SHC3: variants seen among roughly 807,000 people sequenced by gnomAD.
SHC3 encodes SHC adaptor protein 3.
Under a neutral mutation model 60.4 loss-of-function variants are expected in SHC3, and 15 were observed. The ratio of observed to expected loss-of-function variants is 0.25; its 90% CI spans 0.17 to 0.38. SHC3 has a LOEUF of 0.38. Among genes scored for constraint, SHC3 ranks in the 10% least tolerant of loss-of-function variants. The pLI, the probability that SHC3 is intolerant of heterozygous loss-of-function variation, is 1.00. For synonymous variants in SHC3, 294 were observed against 325.9 expected (o/e 0.90, Z 1.05); for missense variants, 677 against 786.1 (o/e 0.86, Z 1.66).
At chr9:89,175,683 GCATCCTTTCC>G (rs1223412222) in intron 1 of SHC3, among the ~76,000 whole-genome samples, 2 of 152,128 alleles carry the variant, frequency 1.3e-5, no homozygotes, top group Non-Finnish European at 2.9e-5. Flanking sequence ...AGAGAATAAT[GCATCCTTTCC>G]CAAACCCTAA....
chr9:89,170,942 G>A (rs1017320780), intron 1 of SHC3, among the ~76,000 whole-genome samples: 3 of 152,154 alleles, frequency 2.0e-5, no homozygotes, highest in East Asian at 1.9e-4. Context: ...TATCCATGGG[G>A]TTCCTGGAAC....
intron 2 of SHC3, among the ~76,000 whole-genome samples, chr9:89,089,548 C>T (rs981338107): frequency 6.6e-6 from 1 of 152,160 alleles, no homozygotes; most frequent in Non-Finnish European, 1.5e-5. Flanking sequence ...GTTTTATGCC[C>T]CCCGACACAC....
At chr9:89,058,858 G>A (rs1341487789) in intron 6 of SHC3, among the ~76,000 whole-genome samples, 7 of 144,804 alleles carry the variant, frequency 4.8e-5, no homozygotes, top group Admixed American at 3.4e-4. Flanking sequence ...GTGTTAGGAC[G>A]TGGTGGAGGA....
At chr9:89,102,391 T>C (rs1174464856) in intron 2 of SHC3, among the ~76,000 whole-genome samples, 1 of 152,210 alleles carries the variant, frequency 6.6e-6, no homozygotes, top group Non-Finnish European at 1.5e-5. Flanking sequence ...TGACTCTGGA[T>C]CAAGGAATGA....
rs772304777 is a variant in SHC3 at position 89,011,234 on chromosome 9, A to T, written c.*2213T>A. 1 of 152,184 alleles carries T rather than the reference A, an allele frequency of 6.6e-6. No individual in the cohort carries two copies. The highest frequency in any genetic ancestry group is 2.4e-5 in the African/African-American group (1 of 41,450). The allele number at this position is 152,184 out of a possible 1,614,324, so 9.4% of individuals were successfully genotyped here. On this transcript the variant is annotated 3_prime_UTR_variant, in exon 12 of 12. Transcript: ENST00000375835. ...TGATTCTCATGCAAAAAATATATAT[A>T]TTTTCTATCACCATCGAACTAGACA... is the stretch of plus-strand genomic sequence containing the variant.
intron 11 of SHC3, among the ~76,000 whole-genome samples, chr9:89,028,748 A>G (rs940742071): frequency 6.8e-6 from 1 of 146,018 alleles, no homozygotes; most frequent in Non-Finnish European, 1.5e-5. Context: ...ATATAGATAT[A>G]TATTCTCTCT....
At chr9:89,153,603 C>T (rs1039582186) in intron 1 of SHC3, among the ~76,000 whole-genome samples, 2 of 152,234 alleles carry the variant, frequency 1.3e-5, no homozygotes, top group African/African-American at 4.8e-5. Flanking sequence ...CAGGGAGGCC[C>T]CTCAGTCACT....
intron 1 of SHC3, among the ~76,000 whole-genome samples, chr9:89,117,157 T>C (rs887282930): frequency 6.6e-6 from 1 of 152,204 alleles, no homozygotes; most frequent in African/African-American, 2.4e-5. Context: ...GCCTAATTTC[T>C]TGTAGTTATA....
At chr9:89,023,322 C>T (rs145168330) in intron 11 of SHC3, among the ~76,000 whole-genome samples, 1 of 152,320 alleles carries the variant, frequency 6.6e-6, no homozygotes, top group East Asian at 1.9e-4. Flanking sequence ...TCAGATCCCA[C>T]AGATCAAAGC....
At chr9:89,017,689 C>T (rs567032081) in intron 11 of SHC3, among the ~76,000 whole-genome samples, 22 of 152,222 alleles carry the variant, frequency 1.4e-4, no homozygotes, top group Admixed American at 3.3e-4. Context: ...GCAAAAGAAA[C>T]TATCATCAGA....
intron 1 of SHC3, among the ~76,000 whole-genome samples, chr9:89,154,946 C>T (rs1020918432): frequency 6.6e-6 from 1 of 152,320 alleles, no homozygotes; most frequent in African/African-American, 2.4e-5. Context: ...GTGGGTGAGG[C>T]AGATAAAACT....
intron 1 of SHC3, among the ~76,000 whole-genome samples, chr9:89,115,035 C>T (rs1004433292): frequency 1.3e-5 from 2 of 152,178 alleles, no homozygotes; most frequent in African/African-American, 2.4e-5. Context: ...GTGACTCGCA[C>T]AACCAAGTCA....
chr9:89,014,422 G>A (rs1312177583), intron 11 of SHC3, among the ~76,000 whole-genome samples: 1 of 152,172 alleles, frequency 6.6e-6, no homozygotes. Flanking sequence ...TCTCCTGGGA[G>A]TTGCATGTTT....
At chr9:89,020,946 C>T (rs1444241749) in intron 11 of SHC3, among the ~76,000 whole-genome samples, 1 of 152,168 alleles carries the variant, frequency 6.6e-6, no homozygotes, top group Admixed American at 6.5e-5. Context: ...TGGTGGCACA[C>T]ATGGGCCTCA....
chr9:89,053,250 A>T (rs953948088), intron 6 of SHC3, among the ~76,000 whole-genome samples: 1 of 152,200 alleles, frequency 6.6e-6, no homozygotes, highest in Non-Finnish European at 1.5e-5. Context: ...ATCGTATGCC[A>T]AGGAGGGTTC....
Position 89,065,578 on chromosome 9 carries a change from G to A in SHC3, c.786C>T (p.Asp262=), listed in dbSNP as rs748842276. The change falls in exon 6 of 12, where the codon GAC becomes GAT. Residue 262 remains aspartate, a splice_region_variant and synonymous_variant. Coordinates refer to ENST00000375835, the MANE Select transcript of SHC3 (RefSeq NM_016848.6). ...CCACATATGCAACATAGTCAGTTGT[G>A]TCCTGTTAAAGAAAAAAGAGATGTC... ...SISFASGGDP[D]TTDYVAYVAK... is the part of the protein sequence containing the mutation. 3 of 1,614,034 alleles carry A rather than the reference G, an allele frequency of 1.9e-6. 1 individual carries two copies. In the South Asian group the frequency reaches 3.3e-5, roughly 18 times the overall value.
At chr9:89,030,094 A>AT in intron 11 of SHC3, among the ~76,000 whole-genome samples, 1 of 152,294 alleles carries the variant, frequency 6.6e-6, no homozygotes, top group East Asian at 1.9e-4. Flanking sequence ...GATAAAATAG[A>AT]TTTTAAAACA....
chr9:89,051,392 T>C (rs767444164), intron 7 of SHC3, among the ~76,000 whole-genome samples: 2 of 152,192 alleles, frequency 1.3e-5, no homozygotes, highest in African/African-American at 2.4e-5. Context: ...ACCTGAACAT[T>C]TTTTATAATA....
At chr9:89,086,532 T>A (rs1331389860) in intron 2 of SHC3, among the ~76,000 whole-genome samples, 1 of 152,240 alleles carries the variant, frequency 6.6e-6, no homozygotes, top group Non-Finnish European at 1.5e-5. Context: ...GAGGACCCTC[T>A]GCATGTTTAG....
Sources: allele counts gnomAD v4.1 joint callset (sites outside exome capture counted in the v4.1 genomes callset), GRCh38; gene constraint gnomAD v4.1.1; transcripts MANE v1.5; gene names NCBI Gene and HGNC (gene_info 2026-07-23, HGNC 2026-07-21).